Variants in DAPK1 observed in about 807,000 individuals in gnomAD.
DAPK1 encodes death-associated protein kinase 1.
DAPK1 carries 56 observed loss-of-function variants against 144.9 expected under a neutral mutation model. That is an observed-to-expected ratio of 0.39 (90% CI 0.31 to 0.48). The LOEUF is 0.48. Among genes scored for constraint, DAPK1 ranks in the 20% least tolerant of loss-of-function variants. DAPK1 has a pLI of 0.95. For synonymous variants in DAPK1, 690 were observed against 749.0 expected (o/e 0.92, Z 1.29); for missense variants, 1,454 against 1,875.4 (o/e 0.78, Z 4.15).
At chr9:87,625,596 A>T (rs1439435239) in intron 3 of DAPK1, among the ~76,000 whole-genome samples, 1 of 152,166 alleles carries the variant, frequency 6.6e-6, no homozygotes, top group African/African-American at 2.4e-5. Flanking sequence ...TTGGGTAGGC[A>T]CAGTAGTGCT....
At chr9:87,685,707 C>T (rs1824817967) in intron 20 of DAPK1, among the ~76,000 whole-genome samples, 1 of 152,170 alleles carries the variant, frequency 6.6e-6, no homozygotes, top group South Asian at 2.1e-4. Context: ...CGTACAACAC[C>T]CACAAGTTCA....
At chr9:87,653,503 G>T (rs1474422875) in intron 17 of DAPK1, among the ~76,000 whole-genome samples, 3 of 152,060 alleles carry the variant, frequency 2.0e-5, no homozygotes, top group Admixed American at 2.0e-4. Context: ...TCCCGTGTGT[G>T]TGTATGTATG....
chr9:87,594,336 G>C (rs1017920143), intron 2 of DAPK1, among the ~76,000 whole-genome samples: 7 of 152,154 alleles, frequency 4.6e-5, no homozygotes, highest in Non-Finnish European at 8.8e-5. Flanking sequence ...GGATGGTGCT[G>C]AGTAAAGTGG....
rs1038707483 is a variant in DAPK1 at position 87,686,210 on chromosome 9, G to A, written c.2225-341G>A. On this transcript the variant is annotated intron_variant, in intron 20 of 25. Transcript: ENST00000408954. This position sits in a 1 kb window ranked among gnomAD's most constrained non-coding sequence, Gnocchi z 4.2. ...CAGGAAGTGAGAAGGGAAGAAACCC[G>A]ACCTCTGCCCTCCCACCCTCTCCAC... Among the ~76,000 whole-genome samples, 19 of 152,130 alleles carry A rather than the reference G, an allele frequency of 1.2e-4. No homozygotes were observed. The highest frequency in any genetic ancestry group is 3.9e-4 in the Admixed American group (6 of 15,272).
At chr9:87,630,422 A>G (rs1222898448) in intron 3 of DAPK1, among the ~76,000 whole-genome samples, 1 of 152,204 alleles carries the variant, frequency 6.6e-6, no homozygotes, top group Non-Finnish European at 1.5e-5. Context: ...GGGTAGGTTG[A>G]TGACCTCCTC....
Position 87,683,862 on chromosome 9 carries a change from G to A in DAPK1, c.2224+2236G>A, listed in dbSNP as rs182103995. Among the ~76,000 whole-genome samples, 600 of 152,332 alleles carry A rather than the reference G, an allele frequency of 3.9e-3. 6 individuals are homozygous for A. The highest frequency in any genetic ancestry group is 5.1e-3 in the Non-Finnish European group (344 of 68,020). On this transcript the variant is annotated intron_variant, in intron 20 of 25. Transcript: ENST00000408954. Reference sequence around the variant, plus strand: ...CACACCAGCTGCTTTCAGCCCAGCCGTGGGGTCTGGGGAGGAGGCAGCTGT... The same window carrying A: ...CACACCAGCTGCTTTCAGCCCAGCCATGGGGTCTGGGGAGGAGGCAGCTGT...
At chr9:87,547,572 AGAGAGAGTGTGTGT>A (rs951867249) in intron 2 of DAPK1, among the ~76,000 whole-genome samples, 4 of 93,270 alleles carry the variant, frequency 4.3e-5, no homozygotes, top group Admixed American at 2.2e-4. Flanking sequence ...GTGTGGAGAG[AGAGAGAGTGTGTGT>A]GTGTGTGTGT....
Position 87,588,865 on chromosome 9 carries a change from C to T in DAPK1, c.63-16089C>T, listed in dbSNP as rs544655332. On this transcript the variant is annotated intron_variant, in intron 2 of 25. Coordinates refer to ENST00000408954, the MANE Select transcript of DAPK1 (RefSeq NM_004938.4). ...AATGAAAATCTCCATGAGAACCATCCAGATTAGTGCAGAGCATCTTTTTCT... is the reference window on the plus strand; with the variant it reads ...AATGAAAATCTCCATGAGAACCATCTAGATTAGTGCAGAGCATCTTTTTCT... 6.6e-5 allele frequency among the ~76,000 whole-genome samples: 10 copies of T among 151,886 alleles called. No individual in the cohort carries two copies. The South Asian group carries it at 2.1e-3, about 32-fold the overall frequency.
At chr9:87,571,470 C>CCCCCCA (rs1564000778) in intron 2 of DAPK1, among the ~76,000 whole-genome samples, 1 of 53,694 alleles carries the variant, frequency 1.9e-5, no homozygotes, top group Non-Finnish European at 3.4e-5. Context: ...CACACACACA[C>CCCCCCA]ACACCAACAC....
At chr9:87,580,434 G>A (rs370821301) in intron 2 of DAPK1, among the ~76,000 whole-genome samples, 2 of 152,144 alleles carry the variant, frequency 1.3e-5, no homozygotes, top group African/African-American at 2.4e-5. Context: ...GTGGTTCCCA[G>A]TGCAAAGCAA....
intron 2 of DAPK1, among the ~76,000 whole-genome samples, chr9:87,589,555 C>CT (rs5899007): frequency 0.87 from 129,189 of 149,126 alleles, 56,202 homozygotes; most frequent in South Asian, 0.92. Context: ...CCATCAAGTA[C>CT]TTTTTTTTTT....
intron 3 of DAPK1, among the ~76,000 whole-genome samples, chr9:87,616,353 G>A (rs1156854170): frequency 6.6e-6 from 1 of 152,184 alleles, no homozygotes; most frequent in African/African-American, 2.4e-5. Context: ...ACTGTGCTTG[G>A]CCCAATACAT....
At chr9:87,598,544 C>G (rs910407347) in intron 2 of DAPK1, among the ~76,000 whole-genome samples, 1 of 152,160 alleles carries the variant, frequency 6.6e-6, no homozygotes, top group African/African-American at 2.4e-5. Flanking sequence ...ATGTCTGGAT[C>G]AGGGCCAGCA....
At chr9:87,586,840 G>A (rs1827955101) in intron 2 of DAPK1, among the ~76,000 whole-genome samples, 2 of 152,118 alleles carry the variant, frequency 1.3e-5, no homozygotes, top group African/African-American at 4.8e-5. Context: ...TATTATCATA[G>A]TCTAAACGTA....
intron 21 of DAPK1, among the ~76,000 whole-genome samples, chr9:87,694,851 CA>C (rs1468310887): frequency 2.6e-5 from 4 of 152,148 alleles, no homozygotes; most frequent in Admixed American, 6.5e-5. Flanking sequence ...AATGGTGCCG[CA>C]CTGTAGCTGC....
intron 2 of DAPK1, among the ~76,000 whole-genome samples, chr9:87,548,665 AC>A (rs1196040920): frequency 6.6e-6 from 1 of 152,120 alleles, no homozygotes; most frequent in East Asian, 1.9e-4. Flanking sequence ...CTTTGGGATA[AC>A]CATTTCTGAA....
chr9:87,514,437 G>A (rs181047873), intron 2 of DAPK1, among the ~76,000 whole-genome samples: 32 of 152,302 alleles, frequency 2.1e-4, no homozygotes, highest in Non-Finnish European at 3.8e-4. Context: ...TCAGAGCCCT[G>A]TTGAATCACT....
intron 2 of DAPK1, among the ~76,000 whole-genome samples, chr9:87,556,610 G>A (rs1249149374): frequency 6.6e-6 from 1 of 152,142 alleles, no homozygotes; most frequent in Non-Finnish European, 1.5e-5. Flanking sequence ...GAAACTCTGT[G>A]GAGTAGCCTC....
At chr9:87,527,996 G>A (rs73492346) in intron 2 of DAPK1, among the ~76,000 whole-genome samples, 14 of 152,296 alleles carry the variant, frequency 9.2e-5, no homozygotes, top group African/African-American at 3.4e-4. Context: ...TTGCACACAT[G>A]CATCCCACAA....
Sources: gnomAD v4.1 joint callset for allele counts (sites outside exome capture counted in the v4.1 genomes callset) on GRCh38, gnomAD v4.1.1 for gene constraint, Gnocchi (gnomAD v3.1) non-coding constraint, MANE v1.5 for transcripts, NCBI Gene and HGNC (gene_info 2026-07-23, HGNC 2026-07-21) for gene names.